The following LRCH3 variants were observed in gnomAD, a reference collection of about 807,000 sequenced individuals.
LRCH3 encodes the protein DISP complex protein LRCH3.
Under a neutral mutation model 104.5 loss-of-function variants are expected in LRCH3, and 68 were observed. That is an observed-to-expected ratio of 0.65 (90% CI 0.54 to 0.80). LRCH3 has a LOEUF of 0.80. Among genes scored for constraint, LRCH3 ranks in the 30% least tolerant of loss-of-function variants. The pLI is 0.00. For synonymous variants in LRCH3, 344 were observed against 361.3 expected, an observed-to-expected ratio of 0.95 and a Z score of 0.54; for missense variants, 951 against 953.9, an observed-to-expected ratio of 1.00 and a Z score of 0.04.
At chr3:197,863,990 T>G (rs919595151) in intron 15 of LRCH3, among the ~76,000 whole-genome samples, 3 of 152,322 alleles carry the variant, frequency 2.0e-5, no homozygotes, top group East Asian at 1.9e-4. Context: ...AAGAGCTTGT[T>G]AAATAATGGA....
chr3:197,807,751 C>A (rs1417660063), intron 1 of LRCH3, among the ~76,000 whole-genome samples: 1 of 151,964 alleles, frequency 6.6e-6, no homozygotes, highest in African/African-American at 2.4e-5. Context: ...TTGAGTGTAT[C>A]TCTTTGTGTA....
intron 10 of LRCH3, among the ~76,000 whole-genome samples, chr3:197,844,502 C>T (rs1033501077): frequency 1.2e-4 from 18 of 152,138 alleles, no homozygotes; most frequent in African/African-American, 3.1e-4. Context: ...AAGATCCTCC[C>T]GCCTTGGCCT....
At chr3:197,799,461 T>C (rs896666096) in intron 1 of LRCH3, among the ~76,000 whole-genome samples, 2 of 152,260 alleles carry the variant, frequency 1.3e-5, no homozygotes, top group South Asian at 2.1e-4. Context: ...CTTTCTTCTT[T>C]GCTCTTCACA....
In LRCH3 at chr3:197,808,648, A is replaced by C. The variant is rs543103452; in HGVS notation, c.263-6260A>C. 2.8e-4 allele frequency among the ~76,000 whole-genome samples: 42 copies of C among 152,322 alleles called. No homozygotes were observed. The South Asian group carries it at 8.3e-3, about 30-fold the overall frequency. ...GATGTTGGGCCAGGCGCAGTGGCTC[A>C]TGCCTGTAATTGAAACACTTTGGGA... On this transcript the variant is annotated intron_variant, in intron 1 of 20. Transcript: ENST00000425562.
intron 20 of LRCH3, chr3:197,882,212 T>G: frequency 1.0e-6 from 1 of 985,414 alleles, no homozygotes. Flanking sequence ...GCGCAGGTCC[T>G]AGGGCGCTGC....
intron 12 of LRCH3, 95 bp downstream of exon 12, chr3:197,848,116 C>G: frequency 7.8e-7 from 1 of 1,277,576 alleles, no homozygotes; most frequent in Non-Finnish European, 1.1e-6. Context: ...ATTAAAATGT[C>G]GACCATTTTT....
intron 1 of LRCH3, among the ~76,000 whole-genome samples, chr3:197,796,768 A>G (rs138168647): frequency 3.4e-4 from 52 of 152,342 alleles, no homozygotes; most frequent in African/African-American, 1.2e-3. Context: ...CTAGGATTCA[A>G]TTTCTGATAC....
chr3:197,824,537 G>A (rs1182105721), intron 4 of LRCH3, among the ~76,000 whole-genome samples: 1 of 148,536 alleles, frequency 6.7e-6, no homozygotes, highest in African/African-American at 2.5e-5. Flanking sequence ...TTTCTCTTCT[G>A]ATGTGGACTG....
chr3:197,796,931 A>G (rs1250746181), intron 1 of LRCH3, among the ~76,000 whole-genome samples: 1 of 152,226 alleles, frequency 6.6e-6, no homozygotes, highest in African/African-American at 2.4e-5. Flanking sequence ...CTAGAGCTTT[A>G]GAATGTAGAG....
intron 1 of LRCH3, among the ~76,000 whole-genome samples, chr3:197,808,976 A>G (rs1036510111): frequency 6.6e-6 from 1 of 151,344 alleles, no homozygotes; most frequent in Non-Finnish European, 1.5e-5. Flanking sequence ...TGTCATTTCA[A>G]TTGTCTCTCT....
chr3:197,792,423 A>G (rs1236458897), intron 1 of LRCH3, among the ~76,000 whole-genome samples: 1 of 149,416 alleles, frequency 6.7e-6, no homozygotes, highest in Non-Finnish European at 1.5e-5. Flanking sequence ...AGTTGTGGCG[A>G]ACAGTGTCTG....
At position 197,887,074 on chromosome 3, in the gene LRCH3, T is replaced by G. The variant is rs1359667279; in HGVS notation, c.*3408T>G. 3 of 152,240 alleles carry G rather than the reference T, an allele frequency of 2.0e-5. No homozygotes were observed. Among genetic ancestry groups the G allele is most frequent in the Admixed American group, 6.5e-5 (1 of 15,282 alleles). 9.4% of individuals were successfully genotyped at this position (152,240 alleles called of 1,614,324 possible). A position where few individuals can be genotyped will look rare whatever the true frequency, so the allele number is the denominator to read the frequency against. On this transcript the variant is annotated 3_prime_UTR_variant, in exon 21 of 21. Transcript: ENST00000425562. ...ATTGAAGGAAAAATATCAAATGCTT[T>G]GAATTTTTTTTCTCTTTTTTCAAAC...
chr3:197,818,825 G>C (rs1734148508), intron 3 of LRCH3, among the ~76,000 whole-genome samples: 2 of 152,090 alleles, frequency 1.3e-5, no homozygotes, highest in South Asian at 4.1e-4. Flanking sequence ...ACTTGTGGCA[G>C]AATAAGAATT....
rs1439962456 is a variant in LRCH3 at position 197,870,252 on chromosome 3, C to T, written c.1966C>T (p.Leu656=). 6.2e-7 allele frequency: 1 copy of T among 1,613,158 alleles called. No homozygotes were observed. Among genetic ancestry groups the T allele is most frequent in the Non-Finnish European group, 8.5e-7 (1 of 1,179,264 alleles). Residue 656 remains leucine (L), a synonymous_variant, in exon 18 of 21, where the codon CTG becomes TTG. Transcript: ENST00000425562. ...GQNSRQREEE[L]ELIDQLRKHI... ...GAATTCAAGACAGAGAGAAGAAGAG[C>T]TGGAATTAATAGACCAACTGCGTAA...
intron 20 of LRCH3, chr3:197,882,151 G>A: frequency 5.1e-6 from 5 of 985,428 alleles, no homozygotes; most frequent in Non-Finnish European, 6.0e-6. Context: ...AGTCCAGCTG[G>A]GAGGTGAGGG....
intron 4 of LRCH3, among the ~76,000 whole-genome samples, chr3:197,820,638 G>A (rs1265076689): frequency 1.3e-5 from 2 of 152,074 alleles, no homozygotes; most frequent in Non-Finnish European, 2.9e-5. Flanking sequence ...TAGGGAGTCT[G>A]TCTCTACAGA....
At chr3:197,866,073 A>G (rs1315663221) in intron 16 of LRCH3, 39 bp from the exon 17 acceptor site, 1 of 1,411,940 alleles carries the variant, frequency 7.1e-7, no homozygotes, top group Non-Finnish European at 1.0e-6. Flanking sequence ...TTATATTTTC[A>G]TCTCCTTTAA....
chr3:197,826,841 A>G, intron 4 of LRCH3, 37 bp from the exon 5 acceptor site: 1 of 1,612,976 alleles, frequency 6.2e-7, no homozygotes. Context: ...GTTGTAAAAC[A>G]TCATTAATTG....
At chr3:197,880,995 T>C in intron 20 of LRCH3, 1 of 1,287,132 alleles carries the variant, frequency 7.8e-7, no homozygotes, top group South Asian at 1.8e-5. Context: ...CCATAAATGC[T>C]GAAGCATTTT....
Sources: allele counts gnomAD v4.1 joint callset (sites outside exome capture counted in the v4.1 genomes callset), GRCh38; gene constraint gnomAD v4.1.1; transcripts MANE v1.5; gene names NCBI Gene and HGNC (gene_info 2026-07-23, HGNC 2026-07-21).